Variants in NCALD observed in about 807,000 individuals in gnomAD.
NCALD encodes the protein neurocalcin-delta.
In NCALD, 10 loss-of-function variants were observed where a neutral mutation model predicts 18.6. The observed-to-expected ratio is 0.54, with a 90% CI of 0.33 to 0.91. The LOEUF is 0.91. Ranked by LOEUF, NCALD falls within the 40% of genes least tolerant of loss-of-function variation. The pLI, the probability that NCALD is intolerant of heterozygous loss-of-function variation, is 0.03. For synonymous variants in NCALD, 88 were observed against 87.4 expected, an observed-to-expected ratio of 1.01 and a Z score of -0.04; for missense variants, 184 against 247.6, an observed-to-expected ratio of 0.74 and a Z score of 1.72.
intron 2 of NCALD, among the ~76,000 whole-genome samples, chr8:101,930,437 T>C (rs1407677586): frequency 2.0e-5 from 3 of 152,042 alleles, no homozygotes; most frequent in Non-Finnish European, 2.9e-5. Flanking sequence ...AATCTCTTTA[T>C]TTTGAAAATT....
chr8:101,930,524 C>A (rs561401154), intron 2 of NCALD, among the ~76,000 whole-genome samples: 33 of 152,136 alleles, frequency 2.2e-4, no homozygotes, highest in Non-Finnish European at 4.0e-4. Context: ...CGGCGCAGCA[C>A]TTTTCCCTCC....
rs1051713929 is a variant in NCALD, at chr8:101,688,339, G to A, written c.*970C>T. ...AAAATTAAAGTTGGGCCCTAGTCAG[G>A]GTTACTTTGTATTTTTATGGAATAT... On this transcript the variant is annotated 3_prime_UTR_variant, in exon 4 of 4. Coordinates refer to ENST00000220931, the MANE Select transcript of NCALD (RefSeq NM_032041.3). 1.4e-5 allele frequency: 3 copies of A among 216,368 alleles called. No homozygotes were observed. Among genetic ancestry groups the A allele is most frequent in the Non-Finnish European group, 2.8e-5 (3 of 105,744 alleles). 13.4% of individuals were successfully genotyped at this position (216,368 alleles called of 1,614,324 possible).
chr8:101,928,544 C>G (rs1818422263), intron 2 of NCALD, among the ~76,000 whole-genome samples: 1 of 151,936 alleles, frequency 6.6e-6, no homozygotes, highest in South Asian at 2.1e-4. Context: ...CCCTCAGGTA[C>G]TCTGAAGTGC....
chr8:101,700,763 G>T (rs764631525), intron 2 of NCALD, among the ~76,000 whole-genome samples: 15 of 152,172 alleles, frequency 9.9e-5, no homozygotes, highest in Non-Finnish European at 2.1e-4. Context: ...TCAGTATTAG[G>T]CTAAAGGAGT....
At chr8:102,002,932 T>C (rs575065072) in intron 2 of NCALD, among the ~76,000 whole-genome samples, 11 of 151,550 alleles carry the variant, frequency 7.3e-5, no homozygotes, top group Admixed American at 3.3e-4. Flanking sequence ...GCAGGAAAGA[T>C]CTAAAATTGA....
At chr8:101,823,959 G>A (rs1813826486) in intron 4 of NCALD, among the ~76,000 whole-genome samples, 1 of 152,178 alleles carries the variant, frequency 6.6e-6, no homozygotes, top group Admixed American at 6.5e-5. Flanking sequence ...AGTTAGCCCT[G>A]TACATTTAAA....
intron 4 of NCALD, among the ~76,000 whole-genome samples, chr8:101,814,102 A>C (rs12335079): frequency 6.6e-6 from 1 of 152,050 alleles, no homozygotes; most frequent in Non-Finnish European, 1.5e-5. Context: ...AGTTATACCA[A>C]TTCTCAATGA....
intron 1 of NCALD, among the ~76,000 whole-genome samples, chr8:102,027,289 A>T (rs1373933517): frequency 6.6e-6 from 1 of 152,180 alleles, no homozygotes; most frequent in African/African-American, 2.4e-5. Context: ...AATTTTTATG[A>T]TCTGTTTCCT....
intron 1 of NCALD, among the ~76,000 whole-genome samples, chr8:101,739,683 G>C (rs1236147354): frequency 6.6e-6 from 1 of 152,140 alleles, no homozygotes; most frequent in East Asian, 1.9e-4. Flanking sequence ...TCAGCTTTTG[G>C]ACTCTTGGAC....
chr8:101,783,496 A>G (rs1812100104), intron 1 of NCALD, among the ~76,000 whole-genome samples: 2 of 152,226 alleles, frequency 1.3e-5, no homozygotes, highest in African/African-American at 4.8e-5. Flanking sequence ...AAACCAGTAG[A>G]GCAGAAAACA....
At chr8:102,064,481 C>G (rs1440991159) in intron 1 of NCALD, among the ~76,000 whole-genome samples, 4 of 152,212 alleles carry the variant, frequency 2.6e-5, no homozygotes, top group African/African-American at 9.6e-5. Flanking sequence ...CCAAGTACAC[C>G]AAATACAAAT....
At chr8:101,884,008 C>T (rs756799168) in intron 4 of NCALD, among the ~76,000 whole-genome samples, 2 of 152,206 alleles carry the variant, frequency 1.3e-5, no homozygotes, top group Non-Finnish European at 2.9e-5. Flanking sequence ...TTCATTCATT[C>T]TCTACTAAAG....
chr8:101,960,005 G>A (rs977403244), intron 2 of NCALD, among the ~76,000 whole-genome samples: 2 of 152,218 alleles, frequency 1.3e-5, no homozygotes, highest in African/African-American at 4.8e-5. Context: ...CCTAGGCTGA[G>A]TGAACACCTA....
At chr8:102,062,872 A>G (rs1823891762) in intron 1 of NCALD, among the ~76,000 whole-genome samples, 1 of 152,206 alleles carries the variant, frequency 6.6e-6, no homozygotes, top group Admixed American at 6.5e-5. Context: ...CAAGCCCAGC[A>G]TGTGTCCCCT....
intron 1 of NCALD, among the ~76,000 whole-genome samples, chr8:101,756,647 T>C (rs779676280): frequency 1.3e-5 from 2 of 152,200 alleles, no homozygotes; most frequent in Non-Finnish European, 2.9e-5. Flanking sequence ...ATGAGGTATA[T>C]TGGATTTCCG....
intron 1 of NCALD, among the ~76,000 whole-genome samples, chr8:102,056,989 G>A (rs1728142478): frequency 6.6e-6 from 1 of 152,174 alleles, no homozygotes; most frequent in African/African-American, 2.4e-5. Context: ...GACAGTAACT[G>A]CTACAAAGTT....
chr8:101,769,221 G>A (rs4734594), intron 1 of NCALD, among the ~76,000 whole-genome samples: 1 of 152,044 alleles, frequency 6.6e-6, no homozygotes, highest in Non-Finnish European at 1.5e-5. Context: ...ACTAAATTTG[G>A]GATGATTTGT....
chr8:101,762,368 G>A (rs866611196), intron 1 of NCALD, among the ~76,000 whole-genome samples: 2 of 152,168 alleles, frequency 1.3e-5, no homozygotes, highest in African/African-American at 4.8e-5. Flanking sequence ...TCCTTATAAA[G>A]GAAATCTCCA....
intron 2 of NCALD, among the ~76,000 whole-genome samples, chr8:102,018,476 G>T (rs940637244): frequency 6.6e-6 from 1 of 152,112 alleles, no homozygotes; most frequent in Non-Finnish European, 1.5e-5. Flanking sequence ...AATGCGCCAA[G>T]TGAAAAAATC....
Sources: allele counts gnomAD v4.1 joint callset (sites outside exome capture counted in the v4.1 genomes callset), GRCh38; gene constraint gnomAD v4.1.1; transcripts MANE v1.5; gene names NCBI Gene and HGNC (gene_info 2026-07-23, HGNC 2026-07-21).